Variants in BLNK observed in about 807,000 individuals in gnomAD.
BLNK encodes B cell linker, also known as B-cell linker protein.
BLNK carries 29 observed loss-of-function variants against 73.5 expected under a neutral mutation model. The ratio of observed to expected loss-of-function variants is 0.39; its 90% CI spans 0.29 to 0.54. The LOEUF is 0.54. Ranked by LOEUF, BLNK falls within the 20% of genes least tolerant of loss-of-function variation. The probability of loss-of-function intolerance (pLI) is 0.61; values close to 1 mark genes in which losing one functional copy is unlikely to be tolerated. For missense variants in BLNK, 460 were observed against 562.8 expected (o/e 0.82, Z 1.85); for synonymous variants, 176 against 200.8 (o/e 0.88, Z 1.04).
chr10:96,192,228 G>A, intron 16 of BLNK, 136 bp from the exon 17 acceptor site: 1 of 1,236,432 alleles, frequency 8.1e-7, no homozygotes, highest in Non-Finnish European at 1.1e-6. Flanking sequence ...AAAAAATCTA[G>A]TTTAACAAAG....
chr10:96,206,186 T>C (rs2083801868), intron 11 of BLNK, among the ~76,000 whole-genome samples: 1 of 152,184 alleles, frequency 6.6e-6, no homozygotes, highest in Admixed American at 6.5e-5. Flanking sequence ...GAGAGTGCTT[T>C]ATGTAGATAT....
At chr10:96,205,453 G>A (rs782203436) in intron 11 of BLNK, among the ~76,000 whole-genome samples, 6 of 152,142 alleles carry the variant, frequency 3.9e-5, no homozygotes, top group East Asian at 3.8e-4. Context: ...TAAGATAGAC[G>A]TCAGGGTTTC....
chr10:96,206,002 C>A (rs1043871522), intron 11 of BLNK, among the ~76,000 whole-genome samples: 4 of 152,108 alleles, frequency 2.6e-5, no homozygotes, highest in Admixed American at 6.6e-5. Flanking sequence ...AGACAAAAGC[C>A]TCAAAGGGAA....
intron 1 of BLNK, among the ~76,000 whole-genome samples, chr10:96,264,985 C>T (rs1554913866): frequency 6.6e-6 from 1 of 151,968 alleles, no homozygotes; most frequent in Non-Finnish European, 1.5e-5. Flanking sequence ...ATTTTTGAGA[C>T]ATGGTCTCAT....
At chr10:96,195,361 C>T (rs587673291) in intron 16 of BLNK, among the ~76,000 whole-genome samples, 35 of 152,296 alleles carry the variant, frequency 2.3e-4, no homozygotes, top group African/African-American at 8.2e-4. Context: ...TTTGCACACC[C>T]GTGTTTATAG....
chr10:96,249,361 C>T (rs1178729562), intron 1 of BLNK, among the ~76,000 whole-genome samples: 1 of 152,240 alleles, frequency 6.6e-6, no homozygotes, highest in Non-Finnish European at 1.5e-5. Context: ...AGCAGTGGAG[C>T]AGTTTAGAGG....
chr10:96,221,010 C>T (rs1352930257), intron 6 of BLNK, among the ~76,000 whole-genome samples: 1 of 152,206 alleles, frequency 6.6e-6, no homozygotes, highest in African/African-American at 2.4e-5. Flanking sequence ...GGGCTGCATC[C>T]TCATTACCAC....
intron 3 of BLNK, among the ~76,000 whole-genome samples, chr10:96,236,920 G>T (rs868909177): frequency 6.6e-6 from 1 of 152,112 alleles, no homozygotes; most frequent in Non-Finnish European, 1.5e-5. Flanking sequence ...AGGGGTGGGG[G>T]TACAGCAATG....
chr10:96,241,965 C>T (rs1842894328), intron 3 of BLNK, among the ~76,000 whole-genome samples: 1 of 152,156 alleles, frequency 6.6e-6, no homozygotes, highest in Non-Finnish European at 1.5e-5. Context: ...AGCAATCTGC[C>T]TTCCTCAGCC....
intron 13 of BLNK, among the ~76,000 whole-genome samples, chr10:96,201,757 T>G (rs2083646615): frequency 6.6e-6 from 1 of 151,906 alleles, no homozygotes; most frequent in Middle Eastern, 3.2e-3. Flanking sequence ...CATTCATTCA[T>G]TCATTCATTC....
intron 3 of BLNK, 67 bp from the exon 4 acceptor site, chr10:96,230,901 A>C: frequency 1.9e-6 from 3 of 1,559,866 alleles, no homozygotes; most frequent in Non-Finnish European, 2.6e-6. Flanking sequence ...CAGCCCATCC[A>C]CACACATTTC....
chr10:96,252,906 A>T (rs1346658304), intron 1 of BLNK, among the ~76,000 whole-genome samples: 1 of 152,032 alleles, frequency 6.6e-6, no homozygotes, highest in African/African-American at 2.4e-5. Context: ...TTGGTGGGGG[A>T]TAGGCTGTCT....
At chr10:96,206,591 A>G (rs1199467032) in intron 11 of BLNK, among the ~76,000 whole-genome samples, 1 of 151,018 alleles carries the variant, frequency 6.6e-6, no homozygotes, top group East Asian at 1.9e-4. Flanking sequence ...TTGAAGATGT[A>G]CTAAGAAGAC....
intron 8 of BLNK, among the ~76,000 whole-genome samples, chr10:96,211,721 A>G (rs879966064): frequency 3.2e-4 from 48 of 152,290 alleles, no homozygotes; most frequent in Non-Finnish European, 6.9e-4. Context: ...TGGAAAAGAG[A>G]TTGCGTTTGG....
chr10:96,216,461 G>A (rs1378255071), intron 7 of BLNK, 192 bp downstream of exon 7: 6 of 632,202 alleles, frequency 9.5e-6, no homozygotes, highest in Non-Finnish European at 1.7e-5. Flanking sequence ...GCAGGGAAGG[G>A]CTATGATACA....
rs140416831 is a variant in BLNK, at chr10:96,231,225, C to T, written c.164-391G>A. 2.6e-3 allele frequency among the ~76,000 whole-genome samples: 389 copies of T among 152,224 alleles called. 3 individuals are homozygous for T. The highest frequency in any genetic ancestry group is 9.0e-3 in the African/African-American group (375 of 41,518). ...CTAAGTTCTTATCCAGGCTCTGTTC[C>T]GAATGCGTTGGAGTGTGGGCAAGAC... On this transcript the variant is annotated intron_variant, in intron 3 of 16. Transcript: ENST00000224337.
At chr10:96,192,230 T>G (rs1398498000) in intron 16 of BLNK, 138 bp from the exon 17 acceptor site, 1 of 1,233,152 alleles carries the variant, frequency 8.1e-7, no homozygotes, top group Admixed American at 2.0e-5. Context: ...AAAATCTAGT[T>G]TAACAAAGGC....
At chr10:96,205,153 T>A (rs1469156813) in intron 11 of BLNK, 1 of 159,870 alleles carries the variant, frequency 6.3e-6, no homozygotes, top group East Asian at 1.8e-4. Context: ...TAAATCTCAC[T>A]TGCATTTCAG....
At chr10:96,208,271 G>T (rs888515281) in intron 9 of BLNK, among the ~76,000 whole-genome samples, 8 of 152,116 alleles carry the variant, frequency 5.3e-5, no homozygotes, top group African/African-American at 1.9e-4. Flanking sequence ...CAGTGTTTCT[G>T]TGGAGCCCCC....
Sources: gnomAD v4.1 joint callset for allele counts (sites outside exome capture counted in the v4.1 genomes callset) on GRCh38, gnomAD v4.1.1 for gene constraint, MANE v1.5 for transcripts, NCBI Gene and HGNC (gene_info 2026-07-23, HGNC 2026-07-21) for gene names.